The following DGKG variants were observed in gnomAD, a reference collection of about 807,000 sequenced individuals.
DGKG encodes DAG kinase gamma.
Under a neutral mutation model 105.3 loss-of-function variants are expected in DGKG, and 78 were observed. That is an observed-to-expected ratio of 0.74 (90% CI 0.62 to 0.89). The LOEUF is 0.89. Among genes scored for constraint, DGKG ranks in the 40% least tolerant of loss-of-function variants. DGKG has a pLI of 0.00. For synonymous variants in DGKG, 346 were observed against 367.1 expected (o/e 0.94, Z 0.66); for missense variants, 958 against 1,020.1 (o/e 0.94, Z 0.83).
rs986584933 is a variant in DGKG at position 186,294,885 on chromosome 3, G to C, written c.373+2536C>G. Among the ~76,000 whole-genome samples, 3 of 152,324 alleles carry C rather than the reference G, an allele frequency of 2.0e-5. No homozygotes were observed. In the East Asian group the frequency reaches 5.8e-4, roughly 29 times the overall value. On this transcript the variant is annotated intron_variant, in intron 5 of 24. Coordinates refer to ENST00000265022, the MANE Select transcript of DGKG (RefSeq NM_001346.3). ...CAATTTTGTGGAGTCTTGGCCTGCT[G>C]CTGTCCCTGAAGCCTTCGGGAAGGC...
intron 10 of DGKG, among the ~76,000 whole-genome samples, chr3:186,274,180 T>TG (rs1477676884): frequency 1.3e-5 from 2 of 151,926 alleles, no homozygotes; most frequent in Non-Finnish European, 2.9e-5. Context: ...TAAAATGCTT[T>TG]TTTTGTTTGT....
chr3:186,161,716 C>A, intron 23 of DGKG, 53 bp from the exon 24 acceptor site: 2 of 1,613,116 alleles, frequency 1.2e-6, no homozygotes, highest in South Asian at 1.1e-5. Context: ...GTGGGAGAAT[C>A]AAGGTTATTC....
chr3:186,353,622 CTCTA>C lies in DGKG; in HGVS notation c.-249+8320_-249+8323del, dbSNP rs201267255. ...ACACACATACACATATATATAGACTCTCTATCTATATCTATATCTATATCTATGT... is the reference window on the plus strand; with the variant it reads ...ACACACATACACATATATATAGACTCTCTATATCTATATCTATATCTATGT... On this transcript the variant is annotated intron_variant, in intron 1 of 24. Transcript: ENST00000265022. 8.3e-3 allele frequency among the ~76,000 whole-genome samples: 1,204 copies of C among 144,882 alleles called. 44 individuals are homozygous for C. The highest frequency in any genetic ancestry group is 0.066 in the East Asian group (325 of 4,904).
At chr3:186,328,743 T>G (rs1040283917) in intron 1 of DGKG, among the ~76,000 whole-genome samples, 3 of 151,788 alleles carry the variant, frequency 2.0e-5, no homozygotes, top group Non-Finnish European at 4.4e-5. Context: ...GCCCGGCTAA[T>G]TTTTGTATTT....
intron 20 of DGKG, among the ~76,000 whole-genome samples, chr3:186,221,548 G>A (rs1175803759): frequency 6.6e-6 from 1 of 152,132 alleles, no homozygotes; most frequent in African/African-American, 2.4e-5. Context: ...CTGGAGGGAC[G>A]GGGAAAAGGC....
chr3:186,174,423 G>C (rs1170882583), intron 22 of DGKG, among the ~76,000 whole-genome samples: 1 of 152,008 alleles, frequency 6.6e-6, no homozygotes, highest in African/African-American at 2.4e-5. Flanking sequence ...GGCAATGAAA[G>C]GGAGGGAGGG....
chr3:186,270,188 T>C (rs946726353), intron 11 of DGKG, among the ~76,000 whole-genome samples: 1 of 152,272 alleles, frequency 6.6e-6, no homozygotes, highest in Non-Finnish European at 1.5e-5. Context: ...TGCAGTGGCA[T>C]GATCACAACT....
At chr3:186,212,888 C>T (rs2108521534) in intron 20 of DGKG, among the ~76,000 whole-genome samples, 1 of 152,316 alleles carries the variant, frequency 6.6e-6, no homozygotes, top group South Asian at 2.1e-4. Flanking sequence ...TGCCACCTTG[C>T]ATGGCGCTAA....
intron 21 of DGKG, among the ~76,000 whole-genome samples, chr3:186,208,321 C>T (rs868615941): frequency 2.0e-5 from 3 of 152,016 alleles, no homozygotes; most frequent in Non-Finnish European, 4.4e-5. Context: ...GGATTACAAG[C>T]GTGAGCCACC....
At chr3:186,161,211 A>ATCATT in intron 24 of DGKG, 2 of 994,440 alleles carry the variant, frequency 2.0e-6, no homozygotes, top group Admixed American at 6.0e-5. Flanking sequence ...GCTTCCACGT[A>ATCATT]AGGAAGCAAT....
rs1223729611 is a variant in DGKG, at chr3:186,175,771, A to T, written c.2096-10753T>A. 3.9e-5 allele frequency among the ~76,000 whole-genome samples: 6 copies of T among 152,224 alleles called. No homozygotes were observed. The East Asian group carries it at 1.2e-3, about 29-fold the overall frequency. ...TCTAATTAAACTAAAGAGCTTCTGC[A>T]CAGCAAAAGAAATGATCAAGAGAGT... On this transcript the variant is annotated intron_variant, in intron 22 of 24. Transcript: ENST00000265022.
chr3:186,361,466 G>A lies in DGKG; in HGVS notation c.-249+480C>T, dbSNP rs1727225115. 6.6e-6 allele frequency among the ~76,000 whole-genome samples: 1 copy of A among 152,118 alleles called. No homozygotes were observed. The highest frequency in any genetic ancestry group is 1.5e-5 in the Non-Finnish European group (1 of 68,016). ...TCAGCTTCCCTTTAAGTCGCCCTGCGCAGGGGCTTTGTGGAGTGCCCCCAA... is the reference window on the plus strand; with the variant it reads ...TCAGCTTCCCTTTAAGTCGCCCTGCACAGGGGCTTTGTGGAGTGCCCCCAA... On this transcript the variant is annotated intron_variant, in intron 1 of 24. Transcript: ENST00000265022. The surrounding 1 kb of genome is among the most constrained non-coding windows in gnomAD (Gnocchi z 6.8).
At chr3:186,265,657 C>CTTTTTTTTT (rs68014632) in intron 13 of DGKG, among the ~76,000 whole-genome samples, 831 of 77,392 alleles carry the variant, frequency 0.011, 24 homozygotes, top group African/African-American at 0.012. Context: ...TTCTTCCTTT[C>CTTTTTTTTT]TTTTTTTTTT....
At chr3:186,298,258 T>G in intron 3 of DGKG, 29 bp from the exon 4 acceptor site, 1 of 1,547,236 alleles carries the variant, frequency 6.5e-7, no homozygotes, top group Non-Finnish European at 8.7e-7. Flanking sequence ...GCAAAGTCAG[T>G]GGAGAGAAGC....
chr3:186,177,033 C>A (rs1253659433), intron 22 of DGKG, among the ~76,000 whole-genome samples: 1 of 152,152 alleles, frequency 6.6e-6, no homozygotes, highest in East Asian at 1.9e-4. Flanking sequence ...TCTGTCCATC[C>A]CTTGCTTACT....
intron 1 of DGKG, among the ~76,000 whole-genome samples, chr3:186,332,924 T>C (rs1017077418): frequency 6.6e-6 from 1 of 152,074 alleles, no homozygotes; most frequent in African/African-American, 2.4e-5. Context: ...AGATCTGAAC[T>C]AACACGTTCA....
Position 186,149,049 on chromosome 3 carries a change from C to T in DGKG, c.*1041G>A. Reference sequence around the variant, plus strand: ...ACGCGCGCACACACGTTAAGACCATCAGAAGGTCCTTCAGGTCATACTCTG... The same window carrying T: ...ACGCGCGCACACACGTTAAGACCATTAGAAGGTCCTTCAGGTCATACTCTG... On this transcript the variant is annotated 3_prime_UTR_variant, in exon 25 of 25. Coordinates refer to ENST00000265022, the MANE Select transcript of DGKG (RefSeq NM_001346.3). 2 of 983,660 alleles carry T rather than the reference C, an allele frequency of 2.0e-6. No homozygotes were observed. The highest frequency in any genetic ancestry group is 9.4e-5 in the South Asian group (2 of 21,206). The allele number at this position is 983,660 out of a possible 1,614,324, so 60.9% of individuals were successfully genotyped here. A position where few individuals can be genotyped will look rare whatever the true frequency, so the allele number is the denominator to read the frequency against.
At chr3:186,190,371 C>T (rs151206567) in intron 21 of DGKG, among the ~76,000 whole-genome samples, 33 of 152,302 alleles carry the variant, frequency 2.2e-4, no homozygotes, top group African/African-American at 6.5e-4. Flanking sequence ...ACATCAACGA[C>T]GGGATCTAAT....
At chr3:186,358,832 G>C (rs1420802764) in intron 1 of DGKG, among the ~76,000 whole-genome samples, 1 of 152,170 alleles carries the variant, frequency 6.6e-6, no homozygotes, top group South Asian at 2.1e-4. Context: ...CTGTGATCAT[G>C]ATGCACGTTC....
Sources: gnomAD v4.1 joint callset for allele counts (sites outside exome capture counted in the v4.1 genomes callset) on GRCh38, gnomAD v4.1.1 for gene constraint, Gnocchi (gnomAD v3.1) non-coding constraint, MANE v1.5 for transcripts, NCBI Gene and HGNC (gene_info 2026-07-23, HGNC 2026-07-21) for gene names.